Variants in ZNF366 observed in about 807,000 individuals in gnomAD.
ZNF366 encodes the protein zinc finger protein 366, also known as dendritic cell-specific transcript protein.
A neutral mutation model predicts 47.2 loss-of-function variants in ZNF366; 20 were observed. The ratio of observed to expected loss-of-function variants is 0.42; its 90% confidence interval spans 0.30 to 0.62. The LOEUF is 0.62. Ranked by LOEUF, ZNF366 falls within the 20% of genes least tolerant of loss-of-function variation. ZNF366 has a pLI of 0.16. For missense variants in ZNF366, 987 were observed against 976.3 expected, an observed-to-expected ratio of 1.01 and a Z score of -0.15; for synonymous variants, 421 against 395.1, an observed-to-expected ratio of 1.07 and a Z score of -0.78.
rs373652973 is a variant in ZNF366 at position 72,460,978 on chromosome 5, G to C, written c.519C>G (p.Pro173=). 2.5e-6 allele frequency: 4 copies of C among 1,613,698 alleles called. No homozygotes were observed. Among genetic ancestry groups the C allele is most frequent in the Non-Finnish European group, 3.4e-6 (4 of 1,179,862 alleles). ...GGTGGACTTTGGGGTAGTAGGGGTAGGGCGTGGGCAGGAATGGAGTGGGCG... is the reference window on the plus strand; with the variant it reads ...GGTGGACTTTGGGGTAGTAGGGGTACGGCGTGGGCAGGAATGGAGTGGGCG... ...QPTPTPFLPT[P]YPYYPKVHPG... The change falls in exon 2 of 5, where the codon CCC becomes CCG. Residue 173 remains proline, a synonymous_variant. Coordinates refer to ENST00000318442, the MANE Select transcript of ZNF366 (RefSeq NM_152625.3).
At chr5:72,453,609 T>C (rs1743121249) in intron 3 of ZNF366, among the ~76,000 whole-genome samples, 1 of 152,254 alleles carries the variant, frequency 6.6e-6, no homozygotes, top group African/African-American at 2.4e-5. Context: ...CCATGTGACC[T>C]GGAGCTAGTT....
intron 1 of ZNF366, among the ~76,000 whole-genome samples, chr5:72,487,934 G>A (rs1042837781): frequency 1.1e-4 from 17 of 152,138 alleles, no homozygotes; most frequent in Admixed American, 6.6e-4. Context: ...TACTGGGTGC[G>A]GTGGCTCACA....
At chr5:72,472,709 C>T (rs1299197787) in intron 1 of ZNF366, 1 of 446,716 alleles carries the variant, frequency 2.2e-6, no homozygotes, top group Admixed American at 6.4e-5. Context: ...GAGTTTCTCC[C>T]TGGCTTCTTC....
intron 1 of ZNF366, among the ~76,000 whole-genome samples, chr5:72,489,580 T>C (rs941205830): frequency 2.0e-5 from 3 of 152,236 alleles, no homozygotes; most frequent in African/African-American, 7.2e-5. Flanking sequence ...ACCAAATTTC[T>C]CTGCTCCATG....
intron 1 of ZNF366, among the ~76,000 whole-genome samples, chr5:72,484,337 A>T (rs1743847001): frequency 6.6e-6 from 1 of 150,846 alleles, no homozygotes. Context: ...ACAAAAAATT[A>T]GCCGGGCGTA....
chr5:72,445,473 G>T (rs1199001586), intron 4 of ZNF366, among the ~76,000 whole-genome samples: 2 of 152,194 alleles, frequency 1.3e-5, no homozygotes, highest in Non-Finnish European at 2.9e-5. Context: ...GGACAGGAAA[G>T]ATCTTTTTAA....
At chr5:72,461,565 T>C (rs1743314595) in intron 1 of ZNF366, 55 bp from the exon 2 acceptor site, 1 of 1,511,388 alleles carries the variant, frequency 6.6e-7, no homozygotes. Context: ...AAAATTCTCT[T>C]TTTCCTTAAG....
intron 1 of ZNF366, among the ~76,000 whole-genome samples, chr5:72,483,112 T>A (rs1743821485): frequency 1.3e-5 from 2 of 152,112 alleles, no homozygotes; most frequent in African/African-American, 4.8e-5. Context: ...TGGTGAGAAG[T>A]CAGGCATCCA....
At chr5:72,487,754 T>G (rs1297843093) in intron 1 of ZNF366, among the ~76,000 whole-genome samples, 1 of 152,228 alleles carries the variant, frequency 6.6e-6, no homozygotes, top group Non-Finnish European at 1.5e-5. Flanking sequence ...AGTTAGTGTA[T>G]CTTTTGGCCT....
chr5:72,444,223 G>A lies in ZNF366; in HGVS notation c.1768C>T (p.Pro590Ser). Residue 590 changes from proline to serine, a missense_variant, in exon 5 of 5, where the codon CCC (proline) becomes TCC (serine). Transcript: ENST00000318442. ...GVLRSLEQEE[P>S]FDLSQKRRAK... ...CGGCGCTTCTGAGAGAGGTCAAAGG[G>A]CTCCTCCTGCTCCAGACTCCTCAGG... is the stretch of plus-strand genomic sequence containing the variant. 7 of 1,613,498 alleles carry A rather than the reference G, an allele frequency of 4.3e-6. No homozygotes were observed. Among genetic ancestry groups the A allele is most frequent in the Non-Finnish European group, 5.9e-6 (7 of 1,180,032 alleles).
intron 3 of ZNF366, among the ~76,000 whole-genome samples, chr5:72,453,425 G>T (rs1198515649): frequency 6.6e-6 from 1 of 152,212 alleles, no homozygotes; most frequent in Non-Finnish European, 1.5e-5. Context: ...CAGCCAGCCA[G>T]CCATGTCTCT....
In ZNF366 at chr5:72,460,251, T is replaced by G; in HGVS notation, c.1246A>C (p.Lys416Gln). Reference protein sequence around the residue: ...SQLQNHMMKHKDIRPYICSEC... With the variant: ...SQLQNHMMKHQDIRPYICSEC... ...GAGCAGATGTAGGGCCGGATGTCCT[T>G]GTGCTTCATCATGTGGTTCTGCAGC... Residue 416 changes from lysine to glutamine, a missense_variant, in exon 2 of 5, where the codon AAG (lysine) becomes CAG (glutamine). By Grantham distance (53) the Lys-to-Gln change is moderately conservative (BLOSUM62 1). Coordinates refer to ENST00000318442, the MANE Select transcript of ZNF366 (RefSeq NM_152625.3). The G allele has an allele frequency of 6.2e-7, 1 of 1,614,172 alleles. No individual in the cohort carries two copies. The highest frequency in any genetic ancestry group is 8.5e-7 in the Non-Finnish European group (1 of 1,179,988).
intron 4 of ZNF366, among the ~76,000 whole-genome samples, chr5:72,446,717 A>C (rs1742968005): frequency 6.6e-6 from 1 of 152,196 alleles, no homozygotes; most frequent in East Asian, 1.9e-4. Flanking sequence ...TGCTACCAAC[A>C]TACTTCTGCT....
rs956202308 is a variant in ZNF366 at position 72,442,239 on chromosome 5, A to G, written c.*1517T>C. On this transcript the variant is annotated 3_prime_UTR_variant, in exon 5 of 5. Coordinates refer to ENST00000318442, the MANE Select transcript of ZNF366 (RefSeq NM_152625.3). ...CCTTAAAGAGTCTGAGGCTAGGAAC[A>G]GAAATACTTATGAAGTCTCTGGGAA... The G allele has an allele frequency of 1.3e-5, 2 of 152,212 alleles. No homozygotes were observed. The highest frequency in any genetic ancestry group is 4.8e-5 in the African/African-American group (2 of 41,452). 9.4% of individuals were successfully genotyped at this position (152,212 alleles called of 1,614,324 possible).
chr5:72,447,687 G>T (rs564605181), intron 3 of ZNF366, among the ~76,000 whole-genome samples: 51 of 152,266 alleles, frequency 3.3e-4, no homozygotes, highest in Admixed American at 2.0e-3. Flanking sequence ...AAAAGCTTTT[G>T]AAAAGGAGAA....
At chr5:72,482,412 G>A (rs536146095) in intron 1 of ZNF366, among the ~76,000 whole-genome samples, 2 of 152,176 alleles carry the variant, frequency 1.3e-5, no homozygotes, top group African/African-American at 2.4e-5. Context: ...CTGACAATAA[G>A]GACTACCAAA....
chr5:72,500,863 G>C (rs1744200117), intron 1 of ZNF366, among the ~76,000 whole-genome samples: 1 of 152,210 alleles, frequency 6.6e-6, no homozygotes, highest in African/African-American at 2.4e-5. Context: ...CAAGCTCCTA[G>C]GTGGTGCCAT....
At position 72,507,370 on chromosome 5, in the gene ZNF366, A is replaced by T; in HGVS notation, c.-134T>A. The T allele has an allele frequency of 4.1e-6, 4 of 985,444 alleles. No individual in the cohort carries two copies. Among genetic ancestry groups the T allele is most frequent in the Non-Finnish European group, 4.8e-6 (4 of 829,988 alleles). The allele number at this position is 985,444 out of a possible 1,614,324, so 61.0% of individuals were successfully genotyped here. On this transcript the variant is annotated 5_prime_UTR_variant, in exon 1 of 5. Coordinates refer to ENST00000318442, the MANE Select transcript of ZNF366 (RefSeq NM_152625.3). Reference sequence around the variant, plus strand: ...TGTGTACAGATTGCAGGGAACTTAAAGAACTCGCAGGGACAGTGTTTCGAA... The same window carrying T: ...TGTGTACAGATTGCAGGGAACTTAATGAACTCGCAGGGACAGTGTTTCGAA...
intron 1 of ZNF366, among the ~76,000 whole-genome samples, chr5:72,503,595 T>C (rs1744259350): frequency 6.6e-6 from 1 of 151,874 alleles, no homozygotes; most frequent in Non-Finnish European, 1.5e-5. Flanking sequence ...CATTTTGTCA[T>C]TTCACAGATG....
Sources: gnomAD v4.1 joint callset for allele counts (sites outside exome capture counted in the v4.1 genomes callset) on GRCh38, gnomAD v4.1.1 for gene constraint, MANE v1.5 for transcripts, NCBI Gene and HGNC (gene_info 2026-07-23, HGNC 2026-07-21) for gene names.